CCDC14: variants seen among roughly 807,000 people sequenced by gnomAD.
CCDC14 encodes coiled-coil domain containing 14.
In CCDC14, 71 loss-of-function variants were observed where a neutral mutation model predicts 81.4. The ratio of observed to expected loss-of-function variants is 0.87; its 90% CI spans 0.72 to 1.06. The LOEUF (loss-of-function observed/expected upper bound fraction) is 1.06. CCDC14 is among the 50% of genes least tolerant of loss of function. The pLI, the probability that CCDC14 is intolerant of heterozygous loss-of-function variation, is 0.00. For synonymous variants in CCDC14, 332 were observed against 364.8 expected (o/e 0.91, Z 1.03); for missense variants, 1,046 against 1,047.3 (o/e 1.00, Z 0.02).
intron 5 of CCDC14, among the ~76,000 whole-genome samples, chr3:123,950,062 T>C (rs1396116659): frequency 1.3e-5 from 2 of 152,240 alleles, no homozygotes. Flanking sequence ...CAAAGTTTTC[T>C]ACATAGCACT....
downstream of CCDC14, among the ~76,000 whole-genome samples, chr3:123,894,783 G>A (rs1262054777): frequency 1.3e-5 from 2 of 151,892 alleles, no homozygotes; most frequent in African/African-American, 2.4e-5. Context: ...ACTGATTTTT[G>A]TAAGTTGGTT....
At chr3:123,942,965 T>G (rs1379008256) in intron 9 of CCDC14, among the ~76,000 whole-genome samples, 3 of 152,042 alleles carry the variant, frequency 2.0e-5, no homozygotes, top group Admixed American at 6.6e-5. Flanking sequence ...CTAAGTGTGG[T>G]GGGGCTACAC....
In CCDC14 at chr3:123,914,507, G is replaced by C. The variant is rs2034547908; in HGVS notation, c.*272C>G. On this transcript the variant is annotated 3_prime_UTR_variant, in exon 13 of 13. Coordinates refer to ENST00000409697, the MANE Select transcript of CCDC14 (RefSeq NM_001366335.1). ...ATCCAGCAGATACATCTTAATAAAAGAACTCTAATTGCTAAGTACTGAAAT... is the reference window on the plus strand; with the variant it reads ...ATCCAGCAGATACATCTTAATAAAACAACTCTAATTGCTAAGTACTGAAAT... 4.7e-6 allele frequency: 5 copies of C among 1,064,608 alleles called. No homozygotes were observed. The highest frequency in any genetic ancestry group is 5.7e-6 in the Non-Finnish European group (5 of 881,608). 65.9% of individuals were successfully genotyped at this position (1,064,608 alleles called of 1,614,324 possible).
chr3:123,918,630 G>A (rs2682251), intron 12 of CCDC14, among the ~76,000 whole-genome samples: 124,193 of 152,186 alleles, frequency 0.82, 51,211 homozygotes, highest in African/African-American at 0.93. Context: ...CCCTGGGCCT[G>A]CAGTTTCTAC....
chr3:123,944,925 T>A lies in CCDC14; in HGVS notation c.1267A>T (p.Ser423Cys). ...TCAACTTGAATATCTGTGTTTCCAC[T>A]TACTGTTGGAAGTACAGATATACAT... ...EACISVLPTV[S>C]GNTDIQVEIA... The change falls in exon 9 of 13, where the codon AGT becomes TGT. Residue 423 changes from serine (S) to cysteine (C), a missense_variant. Coordinates refer to ENST00000409697, the MANE Select transcript of CCDC14 (RefSeq NM_001366335.1). The A allele has an allele frequency of 6.2e-7, 1 of 1,610,526 alleles. No homozygotes were observed. Among genetic ancestry groups the A allele is most frequent in the South Asian group, 1.1e-5 (1 of 90,792 alleles).
intron 12 of CCDC14, among the ~76,000 whole-genome samples, chr3:123,920,203 T>G (rs940070402): frequency 5.3e-5 from 8 of 151,950 alleles, no homozygotes; most frequent in African/African-American, 1.9e-4. Context: ...TTTAAAATTA[T>G]CCAGTCAGAA....
intron 5 of CCDC14, among the ~76,000 whole-genome samples, chr3:123,906,430 G>GA (rs146524573): frequency 0.15 from 21,222 of 140,734 alleles, 2,758 homozygotes; most frequent in East Asian, 0.35. Flanking sequence ...ACAAAGAAAT[G>GA]AAAAAAAAAA....
Position 123,914,604 on chromosome 3 carries a change from CTTG to C in CCDC14, c.*172_*174del. The C allele has an allele frequency of 3.9e-6, 5 of 1,288,616 alleles. No homozygotes were observed. Among genetic ancestry groups the C allele is most frequent in the Non-Finnish European group, 4.9e-6 (5 of 1,020,532 alleles). 79.8% of individuals were successfully genotyped at this position (1,288,616 alleles called of 1,614,324 possible). On this transcript the variant is annotated 3_prime_UTR_variant, in exon 13 of 13. Coordinates refer to ENST00000409697, the MANE Select transcript of CCDC14 (RefSeq NM_001366335.1). ...TGTAGCAATTGTGAACTTAAGATGACTTGTTTTTATAAGCTCCTCAGTGTCAAT... is the reference window on the plus strand; with the variant it reads ...TGTAGCAATTGTGAACTTAAGATGACTTTTTATAAGCTCCTCAGTGTCAAT...
At chr3:123,908,164 C>T (rs1195520853) in intron 5 of CCDC14, among the ~76,000 whole-genome samples, 3 of 152,106 alleles carry the variant, frequency 2.0e-5, no homozygotes, top group Non-Finnish European at 2.9e-5. Context: ...AAAGAAAGAG[C>T]AACCCAAAGC....
At chr3:123,939,878 T>G (rs2036259536) in intron 9 of CCDC14, among the ~76,000 whole-genome samples, 1 of 151,928 alleles carries the variant, frequency 6.6e-6, no homozygotes, top group Admixed American at 6.6e-5. Context: ...AGAAAGTTAC[T>G]GTTTAATGGG....
intron 5 of CCDC14, among the ~76,000 whole-genome samples, chr3:123,905,926 A>T (rs772858131): frequency 2.9e-4 from 44 of 152,066 alleles, no homozygotes; most frequent in Non-Finnish European, 5.4e-4. Context: ...AAGCAGGAAC[A>T]AGCAATTATA....
chr3:123,933,820 T>A (rs1417776144), intron 9 of CCDC14, 65 bp from the exon 10 acceptor site: 3 of 1,045,152 alleles, frequency 2.9e-6, no homozygotes, highest in Admixed American at 4.5e-5. Context: ...ATACATGTGA[T>A]AGCCTATCAA....
chr3:123,945,293 A>G (rs2036566134), intron 8 of CCDC14, among the ~76,000 whole-genome samples: 1 of 152,040 alleles, frequency 6.6e-6, no homozygotes, highest in Non-Finnish European at 1.5e-5. Flanking sequence ...TGGCTTACAC[A>G]AAACTCTTAG....
At chr3:123,946,199 T>C (rs1244484596) in intron 8 of CCDC14, among the ~76,000 whole-genome samples, 1 of 151,926 alleles carries the variant, frequency 6.6e-6, no homozygotes, top group Non-Finnish European at 1.5e-5. Flanking sequence ...ATTACTGTGT[T>C]TCCAAGATGA....
chr3:123,925,842 T>C (rs1401415653), intron 12 of CCDC14, among the ~76,000 whole-genome samples: 1 of 152,238 alleles, frequency 6.6e-6, no homozygotes, highest in Non-Finnish European at 1.5e-5. Flanking sequence ...ATTAGCTTGA[T>C]TTAGTTATTT....
chr3:123,948,065 CA>C (rs574818215), intron 7 of CCDC14, among the ~76,000 whole-genome samples: 3 of 151,824 alleles, frequency 2.0e-5, no homozygotes, highest in Non-Finnish European at 4.4e-5. Flanking sequence ...AAATACAAAC[CA>C]GAAACTAAAA....
the CCDC14 span, among the ~76,000 whole-genome samples, chr3:123,885,268 T>C: frequency 6.6e-6 from 1 of 152,128 alleles, no homozygotes; most frequent in Non-Finnish European, 1.5e-5. Context: ...TGAATTATTA[T>C]AAAGGGAACA....
chr3:123,938,283 T>C (rs535920926), intron 9 of CCDC14, among the ~76,000 whole-genome samples: 1 of 152,078 alleles, frequency 6.6e-6, no homozygotes, highest in African/African-American at 2.4e-5. Context: ...CTTATACTGA[T>C]CTTTAATTTC....
chr3:123,899,098 T>C (rs1014943045), intron 5 of CCDC14, among the ~76,000 whole-genome samples: 1 of 152,196 alleles, frequency 6.6e-6, no homozygotes, highest in Non-Finnish European at 1.5e-5. Context: ...TTTTAACAAG[T>C]AGTACTTGAG....
Sources: gnomAD v4.1 joint callset for allele counts (sites outside exome capture counted in the v4.1 genomes callset) on GRCh38, gnomAD v4.1.1 for gene constraint, MANE v1.5 for transcripts, NCBI Gene and HGNC (gene_info 2026-07-23, HGNC 2026-07-21) for gene names.